The following OSBPL11 variants were observed in gnomAD, a reference collection of about 807,000 sequenced individuals.
The protein encoded by OSBPL11 is oxysterol-binding protein-related protein 11.
Under a neutral mutation model 84.4 loss-of-function variants are expected in OSBPL11, and 33 were observed. The ratio of observed to expected loss-of-function variants is 0.39; its 90% CI spans 0.30 to 0.52. OSBPL11 has a LOEUF of 0.52. Among genes scored for constraint, OSBPL11 ranks in the 20% least tolerant of loss-of-function variants. OSBPL11 has a pLI of 0.72. For missense variants in OSBPL11, 736 were observed against 901.1 expected (o/e 0.82, Z 2.35); for synonymous variants, 276 against 310.2 (o/e 0.89, Z 1.16).
chr3:125,538,238 T>G (rs186286006), intron 11 of OSBPL11, among the ~76,000 whole-genome samples: 2 of 152,342 alleles, frequency 1.3e-5, no homozygotes, highest in East Asian at 3.9e-4. Context: ...TTTTGCTCCA[T>G]TTACAATGTT....
At chr3:125,573,411 G>T (rs993584918) in intron 5 of OSBPL11, among the ~76,000 whole-genome samples, 1 of 152,134 alleles carries the variant, frequency 6.6e-6, no homozygotes, top group Non-Finnish European at 1.5e-5. Flanking sequence ...TACTCACAGG[G>T]CATGGCATAG....
chr3:125,559,815 G>A (rs1936048767), intron 8 of OSBPL11, among the ~76,000 whole-genome samples: 1 of 152,084 alleles, frequency 6.6e-6, no homozygotes, highest in South Asian at 2.1e-4. Flanking sequence ...GGCCTCCCGA[G>A]GAGAGTGGAT....
chr3:125,573,872 C>CAAAAA (rs35902125), intron 5 of OSBPL11, among the ~76,000 whole-genome samples: 16 of 43,492 alleles, frequency 3.7e-4, no homozygotes, highest in Non-Finnish European at 5.2e-4. Flanking sequence ...AACTCCGTCT[C>CAAAAA]AAAAAAAAAA....
chr3:125,546,288 C>G (rs1206748437), intron 10 of OSBPL11, among the ~76,000 whole-genome samples: 1 of 151,374 alleles, frequency 6.6e-6, no homozygotes, highest in African/African-American at 2.4e-5. Flanking sequence ...ATTCTCCTGC[C>G]TCAGCCTCCT....
At chr3:125,562,893 T>G (rs938467449) in intron 7 of OSBPL11, among the ~76,000 whole-genome samples, 1 of 151,742 alleles carries the variant, frequency 6.6e-6, no homozygotes, top group Non-Finnish European at 1.5e-5. Context: ...GCCATTGCAC[T>G]CCAGCCTGGG....
chr3:125,551,271 A>G (rs930114073), intron 9 of OSBPL11, among the ~76,000 whole-genome samples: 3 of 151,374 alleles, frequency 2.0e-5, no homozygotes, highest in Non-Finnish European at 1.5e-5. Context: ...TATCAATGAC[A>G]TGATAAAATG....
chr3:125,595,011 G>T lies in OSBPL11; in HGVS notation c.-211C>A, dbSNP rs1014964169. ...TTGAGAGGGCAGGGGAAGCAACGAG[G>T]ACAGATATCCTTCACATGTATCTCT... On this transcript the variant is annotated 5_prime_UTR_variant, in exon 1 of 13. Coordinates refer to ENST00000296220, the MANE Select transcript of OSBPL11 (RefSeq NM_022776.5). 8 of 539,196 alleles carry T rather than the reference G, an allele frequency of 1.5e-5. No individual in the cohort carries two copies. Among genetic ancestry groups the T allele is most frequent in the Non-Finnish European group, 2.3e-5 (7 of 302,888 alleles). The allele number at this position is 539,196 out of a possible 1,614,324, so 33.4% of individuals were successfully genotyped here.
At position 125,530,292 on chromosome 3, in the gene OSBPL11, G is replaced by A. The variant is rs1935537764; in HGVS notation, c.*223C>T. The A allele has an allele frequency of 1.8e-6, 1 of 548,658 alleles. No individual in the cohort carries two copies. The highest frequency in any genetic ancestry group is 3.3e-6 in the Non-Finnish European group (1 of 303,408). The allele number at this position is 548,658 out of a possible 1,614,324, so 34.0% of individuals were successfully genotyped here. A position where few individuals can be genotyped will look rare whatever the true frequency, so the allele number is the denominator to read the frequency against. On this transcript the variant is annotated 3_prime_UTR_variant, in exon 13 of 13. Transcript: ENST00000296220. ...GATTCAGGTAACAAGTTTTAAGATG[G>A]TATTGCTCACATCACATGAACAGGT...
Position 125,582,910 on chromosome 3 carries a change from C to T in OSBPL11, c.233G>A (p.Arg78Lys). Residue 78 changes from arginine (R) to lysine (K), a missense_variant and splice_region_variant, in exon 2 of 13, where the codon AGG (arginine) becomes AAG (lysine). Transcript: ENST00000296220. ...ATGTGACACAAATAATCACACTTAC[C>T]TGTACTGCCACCCAGTGACAAGGTT... The part of the protein sequence containing the change: ...YTNLVTGWQY[R>K]FFVLNNEAGL... 1 of 1,590,226 alleles carries T rather than the reference C, an allele frequency of 6.3e-7. No homozygotes were observed. The highest frequency in any genetic ancestry group is 8.6e-7 in the Non-Finnish European group (1 of 1,167,888).
chr3:125,531,787 T>A (rs1041015058), intron 12 of OSBPL11, 74 bp downstream of exon 12: 4 of 1,395,268 alleles, frequency 2.9e-6, no homozygotes, highest in Non-Finnish European at 3.9e-6. Flanking sequence ...GTGATAGCAA[T>A]TCAACAAAGC....
intron 1 of OSBPL11, among the ~76,000 whole-genome samples, chr3:125,589,660 TC>T (rs1364969878): frequency 6.6e-6 from 1 of 151,354 alleles, no homozygotes; most frequent in Non-Finnish European, 1.5e-5. Flanking sequence ...TTTCTTCAAA[TC>T]AACTCAGAAG....
Position 125,594,790 on chromosome 3 carries a change from C to G in OSBPL11, c.11G>C (p.Gly4Ala), listed in dbSNP as rs774466379. Reference sequence around the variant, plus strand: ...GACTTTCATTGTGGACACTGGTTCACCCCCCTGCATCTTAACGCCAAAGTC... The same window carrying G: ...GACTTTCATTGTGGACACTGGTTCAGCCCCCTGCATCTTAACGCCAAAGTC... MQG[G>A]EPVSTMKVSE... The change falls in exon 1 of 13, where the codon GGT (glycine) becomes GCT (alanine). Residue 4 changes from glycine to alanine, a missense_variant. By Grantham distance (60) the Gly-to-Ala change is moderately conservative (BLOSUM62 0). Coordinates refer to ENST00000296220, the MANE Select transcript of OSBPL11 (RefSeq NM_022776.5). 1.2e-6 allele frequency: 2 copies of G among 1,613,554 alleles called. No homozygotes were observed. Among genetic ancestry groups the G allele is most frequent in the Non-Finnish European group, 1.7e-6 (2 of 1,179,608 alleles).
At chr3:125,583,995 G>A (rs925074009) in intron 1 of OSBPL11, among the ~76,000 whole-genome samples, 4 of 152,072 alleles carry the variant, frequency 2.6e-5, no homozygotes, top group Non-Finnish European at 5.9e-5. Flanking sequence ...CAATGCCCCA[G>A]ACTCTGTCTC....
Position 125,594,784 on chromosome 3 carries a change from G to A in OSBPL11, c.17C>T (p.Pro6Leu), listed in dbSNP as rs1172148588. 2 of 1,613,904 alleles carry A rather than the reference G, an allele frequency of 1.2e-6. No individual in the cohort carries two copies. Among genetic ancestry groups the A allele is most frequent in the African/African-American group, 2.7e-5 (2 of 74,904 alleles). The change falls in exon 1 of 13, where the codon CCA (proline) becomes CTA (leucine). Residue 6 changes from proline to leucine, a missense_variant. Coordinates refer to ENST00000296220, the MANE Select transcript of OSBPL11 (RefSeq NM_022776.5). ...CTCCGAGACTTTCATTGTGGACACT[G>A]GTTCACCCCCCTGCATCTTAACGCC... is the stretch of plus-strand genomic sequence containing the variant. MQGGE[P>L]VSTMKVSESE...
rs369773245 is a variant in OSBPL11 at position 125,587,574 on chromosome 3, A to C, written c.165-4596T>G. Among the ~76,000 whole-genome samples, 19 of 152,340 alleles carry C rather than the reference A, an allele frequency of 1.2e-4. No individual in the cohort carries two copies. In the South Asian group the frequency reaches 2.1e-3, roughly 17 times the overall value. On this transcript the variant is annotated intron_variant, in intron 1 of 12. Transcript: ENST00000296220. The stretch of plus-strand genomic sequence containing the variant: ...GCAAGGGGAATACAGAGAAGAAATC[A>C]GGAACAACTGAGTAGTGGGAAGAAA...
intron 1 of OSBPL11, among the ~76,000 whole-genome samples, chr3:125,591,911 A>C (rs1328598607): frequency 1.3e-5 from 2 of 152,088 alleles, no homozygotes; most frequent in African/African-American, 4.8e-5. Flanking sequence ...GCTGAATAGG[A>C]GGATCACTTG....
chr3:125,595,368 G>A lies in OSBPL11; in HGVS notation c.-568C>T, dbSNP rs1936668936. Among the ~76,000 whole-genome samples the A allele has an allele frequency of 1.3e-5, 2 of 152,166 alleles. No homozygotes were observed. The highest frequency in any genetic ancestry group is 6.5e-5 in the Admixed American group (1 of 15,300). On this transcript the variant is annotated 5_prime_UTR_variant, in exon 1 of 13. Transcript: ENST00000296220. ...GCCGGGGGCGGGACGCCGGCTCCCG[G>A]GGCCGCCTCTCCCAGGGCCAGAGGC...
intron 5 of OSBPL11, among the ~76,000 whole-genome samples, chr3:125,572,324 A>G (rs1936254972): frequency 6.6e-6 from 1 of 152,106 alleles, no homozygotes; most frequent in Non-Finnish European, 1.5e-5. Context: ...GTCTCAGATG[A>G]GACTTTGGAC....
rs768264844 is a variant in OSBPL11, at chr3:125,563,678, A to G, written c.1014+20T>C. 2.5e-6 allele frequency: 4 copies of G among 1,608,836 alleles called. No homozygotes were observed. The highest frequency in any genetic ancestry group is 2.2e-5 in the East Asian group (1 of 44,874). The stretch of plus-strand genomic sequence containing the variant: ...ATACCTAATTTTTCACATCAAAATC[A>G]TATTTTTATATTACCTTACCCTCGC... On this transcript the variant is annotated intron_variant, in intron 7 of 12. Transcript: ENST00000296220.
Sources: gnomAD v4.1 joint callset for allele counts (sites outside exome capture counted in the v4.1 genomes callset) on GRCh38, gnomAD v4.1.1 for gene constraint, MANE v1.5 for transcripts, NCBI Gene and HGNC (gene_info 2026-07-23, HGNC 2026-07-21) for gene names.